Variants in UNC79 observed in about 807,000 individuals in gnomAD.
UNC79 encodes protein unc-79 homolog.
A neutral mutation model predicts 283.1 loss-of-function variants in UNC79; 37 were observed. The observed-to-expected ratio is 0.13, with a 90% CI of 0.10 to 0.17. The LOEUF is 0.17. Ranked by LOEUF, UNC79 falls within the 10% of genes least tolerant of loss-of-function variation. UNC79 has a pLI of 1.00. For missense variants in UNC79, 2,272 were observed against 3,211.1 expected (o/e 0.71, Z 7.07); for synonymous variants, 1,107 against 1,200.2 (o/e 0.92, Z 1.61).
At chr14:93,357,955 C>CTA (rs1326969569) in intron 1 of UNC79, among the ~76,000 whole-genome samples, 3 of 123,522 alleles carry the variant, frequency 2.4e-5, no homozygotes, top group African/African-American at 9.9e-5. Flanking sequence ...AGATATATAT[C>CTA]TATATATATC....
intron 1 of UNC79, among the ~76,000 whole-genome samples, chr14:93,421,788 A>T (rs1332407411): frequency 6.6e-6 from 1 of 151,226 alleles, no homozygotes; most frequent in Non-Finnish European, 1.5e-5. Context: ...AAAAAAAAAA[A>T]AGAAAACAAG....
chr14:93,642,638 G>C (rs6575346), intron 33 of UNC79, among the ~76,000 whole-genome samples: 109,667 of 151,992 alleles, frequency 0.72, 40,043 homozygotes, highest in African/African-American at 0.82. Context: ...GGATTACCCC[G>C]CTCCCCAAGT....
At chr14:93,398,066 T>C (rs546550342) in intron 1 of UNC79, among the ~76,000 whole-genome samples, 1 of 152,146 alleles carries the variant, frequency 6.6e-6, no homozygotes, top group East Asian at 1.9e-4. Context: ...ATTTCAGAGG[T>C]CCCTACTCCA....
chr14:93,680,583 CTATTTATT>C (rs150467251), intron 41 of UNC79, among the ~76,000 whole-genome samples: 1 of 151,888 alleles, frequency 6.6e-6, no homozygotes, highest in African/African-American at 2.4e-5. Context: ...ACTTAGATAG[CTATTTATT>C]TATTTATTTA....
At chr14:93,416,366 T>A (rs1005233564) in intron 1 of UNC79, among the ~76,000 whole-genome samples, 13 of 150,794 alleles carry the variant, frequency 8.6e-5, no homozygotes, top group African/African-American at 2.4e-4. Flanking sequence ...TCTAGTTTGA[T>A]TGCACTGTGG....
rs138342543 is a variant in UNC79 at position 93,402,053 on chromosome 14, G to A, written c.-350-65618G>A. Reference sequence around the variant, plus strand: ...AGCACTTTGGGAGGCCAACGTGGGCGGATCACCAGAGGTCAGGAGTTTGAG... The same window carrying A: ...AGCACTTTGGGAGGCCAACGTGGGCAGATCACCAGAGGTCAGGAGTTTGAG... On this transcript the variant is annotated intron_variant, in intron 1 of 49. Transcript: ENST00000256339. 2.7e-3 allele frequency among the ~76,000 whole-genome samples: 414 copies of A among 152,070 alleles called. 1 individual carries two copies. The highest frequency in any genetic ancestry group is 9.4e-3 in the African/African-American group (389 of 41,486).
intron 1 of UNC79, among the ~76,000 whole-genome samples, chr14:93,447,732 T>G (rs1157367264): frequency 6.6e-6 from 1 of 152,178 alleles, no homozygotes; most frequent in Non-Finnish European, 1.5e-5. Context: ...GCTTTTATTC[T>G]TGAATAATAT....
In UNC79 at chr14:93,474,528, A is replaced by G. The variant is rs2057692223; in HGVS notation, c.448+135A>G. On this transcript the variant is annotated intron_variant, in intron 3 of 48. Transcript: ENST00000555664. The surrounding 1 kb of genome is among the most constrained non-coding windows in gnomAD (Gnocchi z 4.1). ...GGCTTTGTGTGGCTAGAAGCACTAC[A>G]CTGAAACTTCATTATGGTGCTTCCC... The G allele has an allele frequency of 1.0e-6, 1 of 1,000,434 alleles. No homozygotes were observed. 62.0% of individuals were successfully genotyped at this position (1,000,434 alleles called of 1,614,324 possible). A position where few individuals can be genotyped will look rare whatever the true frequency, so the allele number is the denominator to read the frequency against.
chr14:93,420,851 T>C (rs999152152), intron 1 of UNC79, among the ~76,000 whole-genome samples: 1 of 151,716 alleles, frequency 6.6e-6, no homozygotes, highest in Non-Finnish European at 1.5e-5. Flanking sequence ...TACTTCTAAA[T>C]GACCAGTGAG....
chr14:93,430,156 G>T (rs1361010111), upstream of UNC79, among the ~76,000 whole-genome samples: 1 of 152,168 alleles, frequency 6.6e-6, no homozygotes, highest in African/African-American at 2.4e-5. This position sits in a 1 kb window ranked among gnomAD's most constrained non-coding sequence, Gnocchi z 4.6. Flanking sequence ...CACACCTGGG[G>T]TCTTCCTGTC....
At chr14:93,418,070 G>A (rs371730578) in intron 1 of UNC79, among the ~76,000 whole-genome samples, 17 of 151,922 alleles carry the variant, frequency 1.1e-4, no homozygotes, top group African/African-American at 2.2e-4. Context: ...GAGGAGCTGC[G>A]TTCCTTTGGA....
At chr14:93,381,308 T>A (rs2054659865) in intron 1 of UNC79, among the ~76,000 whole-genome samples, 1 of 152,208 alleles carries the variant, frequency 6.6e-6, no homozygotes, top group African/African-American at 2.4e-5. Flanking sequence ...ATGTTGGGGT[T>A]GTGACTCCCC....
intron 7 of UNC79, among the ~76,000 whole-genome samples, chr14:93,499,806 G>A (rs141698494): frequency 5.9e-5 from 9 of 152,204 alleles, no homozygotes; most frequent in African/African-American, 2.2e-4. Flanking sequence ...TGTTAAGGCA[G>A]ATTCTCAAGT....
intron 35 of UNC79, among the ~76,000 whole-genome samples, chr14:93,651,353 T>C (rs1481172896): frequency 6.6e-6 from 1 of 152,148 alleles, no homozygotes; most frequent in African/African-American, 2.4e-5. Flanking sequence ...AAAGAACAAA[T>C]CAATTTGGGG....
chr14:93,342,068 C>G lies in UNC79; in HGVS notation c.-351+8545C>G, dbSNP rs562037252. Reference sequence around the variant, plus strand: ...TGGTGGCTTTCTTCTCACAGCTCCACTAGGCAGTGCTGTAGTAGAGACTCT... The same window carrying G: ...TGGTGGCTTTCTTCTCACAGCTCCAGTAGGCAGTGCTGTAGTAGAGACTCT... On this transcript the variant is annotated intron_variant, in intron 1 of 49. Transcript: ENST00000256339. Among the ~76,000 whole-genome samples the G allele has an allele frequency of 3.9e-5, 6 of 152,320 alleles. No homozygotes were observed. The South Asian group carries it at 1.0e-3, about 26-fold the overall frequency.
rs118090926 is a variant in UNC79 at position 93,609,158 on chromosome 14, G to T, written c.3755-3639G>T. Among the ~76,000 whole-genome samples the T allele has an allele frequency of 3.9e-5, 6 of 152,208 alleles. No individual in the cohort carries two copies. In the East Asian group the frequency reaches 1.2e-3, roughly 29 times the overall value. On this transcript the variant is annotated intron_variant, in intron 26 of 48. Transcript: ENST00000555664. The stretch of plus-strand genomic sequence containing the variant: ...ATCCAATTGCTGAGAGGAATATTGG[G>T]TATATCTAATAAGAATGGCTTTTGG...
At chr14:93,607,503 A>G (rs1482653934) in intron 26 of UNC79, among the ~76,000 whole-genome samples, 2 of 152,054 alleles carry the variant, frequency 1.3e-5, no homozygotes, top group South Asian at 2.1e-4. Context: ...TACCACAACT[A>G]CCTCTTGATG....
exon 12 of UNC79, chr14:93,538,188 A>G: frequency 6.2e-7 from 1 of 1,611,456 alleles, no homozygotes; most frequent in Non-Finnish European, 8.5e-7. Context: ...GGCGCTGAGG[A>G]GCTGGTCTGC....
chr14:93,432,595 A>AT (rs1262868719), intron 1 of UNC79, among the ~76,000 whole-genome samples: 10 of 152,012 alleles, frequency 6.6e-5, no homozygotes, highest in East Asian at 1.9e-4. Flanking sequence ...CTCTCTTGTG[A>AT]TTTTTTTTGC....
Sources: gnomAD v4.1 joint callset for allele counts (sites outside exome capture counted in the v4.1 genomes callset) on GRCh38, gnomAD v4.1.1 for gene constraint, Gnocchi (gnomAD v3.1) non-coding constraint, MANE v1.5 for transcripts, NCBI Gene and HGNC (gene_info 2026-07-23, HGNC 2026-07-21) for gene names.